The following IKZF2 variants were observed in gnomAD, a reference collection of about 807,000 sequenced individuals.
IKZF2 encodes the protein zinc finger protein Helios.
In IKZF2, 15 loss-of-function variants were observed where a neutral mutation model predicts 49.2. The ratio of observed to expected loss-of-function variants is 0.30; its 90% CI spans 0.20 to 0.47. IKZF2 has a LOEUF of 0.47. Among genes scored for constraint, IKZF2 ranks in the 20% least tolerant of loss-of-function variants. The pLI, the probability that IKZF2 is intolerant of heterozygous loss-of-function variation, is 1.00. For missense variants in IKZF2, 567 were observed against 664.6 expected (o/e 0.85, Z 1.61); for synonymous variants, 227 against 221.4 (o/e 1.03, Z -0.23).
chr2:213,143,257 C>T (rs1326777038), intron 4 of IKZF2, among the ~76,000 whole-genome samples: 1 of 151,788 alleles, frequency 6.6e-6, no homozygotes, highest in East Asian at 1.9e-4. Flanking sequence ...TAAAAAAGTA[C>T]TTCTAGTGGG....
chr2:213,068,911 A>AC (rs1199027810), intron 4 of IKZF2, among the ~76,000 whole-genome samples: 2 of 86,262 alleles, frequency 2.3e-5, no homozygotes, highest in South Asian at 3.4e-4. Flanking sequence ...AGGAGGGAGA[A>AC]AACACACACA....
chr2:213,104,123 C>A (rs978203246), intron 4 of IKZF2, among the ~76,000 whole-genome samples: 1 of 152,038 alleles, frequency 6.6e-6, no homozygotes, highest in Non-Finnish European at 1.5e-5. Flanking sequence ...TGCAAACTTG[C>A]AAAACACATT....
chr2:213,025,459 G>C (rs186353980), intron 6 of IKZF2, among the ~76,000 whole-genome samples: 9 of 152,060 alleles, frequency 5.9e-5, no homozygotes, highest in East Asian at 1.9e-4. Flanking sequence ...AACTCTGTTC[G>C]TACTCTGTTG....
At chr2:213,101,588 C>T (rs1008553776) in intron 4 of IKZF2, among the ~76,000 whole-genome samples, 15 of 151,946 alleles carry the variant, frequency 9.9e-5, no homozygotes, top group Admixed American at 7.9e-4. Flanking sequence ...GAAATCCTTA[C>T]CTAGGCTCCA....
intron 4 of IKZF2, among the ~76,000 whole-genome samples, chr2:213,144,331 T>C (rs1365105824): frequency 6.6e-6 from 1 of 151,852 alleles, no homozygotes; most frequent in Non-Finnish European, 1.5e-5. Context: ...TTTAAGTAAC[T>C]ACCTGCAAAG....
chr2:213,069,151 T>C (rs1238034742), intron 4 of IKZF2, among the ~76,000 whole-genome samples: 1 of 152,052 alleles, frequency 6.6e-6, no homozygotes, highest in African/African-American at 2.4e-5. Flanking sequence ...AGAGGCAAAT[T>C]GCAGGTTTCC....
chr2:213,150,141 T>C lies in IKZF2; in HGVS notation c.-16+3A>G. The C allele has an allele frequency of 2.3e-6, 3 of 1,293,878 alleles. No individual in the cohort carries two copies. Among genetic ancestry groups the C allele is most frequent in the Non-Finnish European group, 3.1e-6 (3 of 979,482 alleles). 80.1% of individuals were successfully genotyped at this position (1,293,878 alleles called of 1,614,324 possible). On this transcript the variant is annotated splice_donor_region_variant and intron_variant, in intron 2 of 8. Coordinates refer to ENST00000434687, the MANE Select transcript of IKZF2 (RefSeq NM_001387220.1). ...AGGAGAAAGAGAAACGAAATGTACA[T>C]ACAAAAGAAATTGTCCTTTGATTAA...
In IKZF2 at chr2:213,004,700, A is replaced by G. The variant is rs1178650598; in HGVS notation, c.*2660T>C. On this transcript the variant is annotated 3_prime_UTR_variant, in exon 9 of 9. Transcript: ENST00000434687. ...CATCCAGAGTTTCTCCAAAAACACT[A>G]CGTCCACAAAAATTCTTTCTGACCC... is the stretch of plus-strand genomic sequence containing the variant. 2.0e-5 allele frequency: 3 copies of G among 152,030 alleles called. No homozygotes were observed. The highest frequency in any genetic ancestry group is 4.8e-5 in the African/African-American group (2 of 41,436). 9.4% of individuals were successfully genotyped at this position (152,030 alleles called of 1,614,324 possible).
chr2:213,011,573 G>A (rs985023577), intron 8 of IKZF2, among the ~76,000 whole-genome samples: 1 of 151,968 alleles, frequency 6.6e-6, no homozygotes, highest in African/African-American at 2.4e-5. Flanking sequence ...CAGTTCCAGC[G>A]ATTTTATCCC....
intron 4 of IKZF2, among the ~76,000 whole-genome samples, chr2:213,075,786 T>C (rs1703189638): frequency 6.6e-6 from 1 of 152,176 alleles, no homozygotes; most frequent in Non-Finnish European, 1.5e-5. Context: ...TAAAATATTT[T>C]CATGTGACCT....
At chr2:213,009,502 C>T (rs993066362) in intron 8 of IKZF2, among the ~76,000 whole-genome samples, 5 of 152,028 alleles carry the variant, frequency 3.3e-5, no homozygotes, top group Admixed American at 1.3e-4. Context: ...TTGGCAGATA[C>T]TCTCAGATTG....
At chr2:213,017,396 T>C (rs1330998007) in intron 7 of IKZF2, among the ~76,000 whole-genome samples, 1 of 152,218 alleles carries the variant, frequency 6.6e-6, no homozygotes, top group Non-Finnish European at 1.5e-5. Context: ...AAGAATATAG[T>C]AAAAGAAGTA....
intron 8 of IKZF2, among the ~76,000 whole-genome samples, chr2:213,008,833 G>A (rs1483810120): frequency 6.6e-6 from 1 of 152,028 alleles, no homozygotes; most frequent in African/African-American, 2.4e-5. Context: ...CCTCACTGTT[G>A]TGTAGGGTTA....
chr2:213,132,449 T>C (rs1047333431), intron 4 of IKZF2, among the ~76,000 whole-genome samples: 4 of 152,110 alleles, frequency 2.6e-5, no homozygotes, highest in Non-Finnish European at 5.9e-5. Context: ...TAATGTGAAA[T>C]CCTTTTAAAC....
chr2:213,105,403 C>T (rs1161942251), intron 4 of IKZF2, among the ~76,000 whole-genome samples: 1 of 151,938 alleles, frequency 6.6e-6, no homozygotes, highest in Non-Finnish European at 1.5e-5. Context: ...GGAGGAATAC[C>T]ATTAGAGCAA....
In IKZF2 at chr2:213,150,140, A is replaced by G. The variant is rs1264639703; in HGVS notation, c.-16+4T>C. On this transcript the variant is annotated splice_donor_region_variant and intron_variant, in intron 2 of 8. Coordinates refer to ENST00000434687, the MANE Select transcript of IKZF2 (RefSeq NM_001387220.1). ...AAGGAGAAAGAGAAACGAAATGTAC[A>G]TACAAAAGAAATTGTCCTTTGATTA... The G allele has an allele frequency of 1.5e-6, 2 of 1,295,984 alleles. No individual in the cohort carries two copies. Among genetic ancestry groups the G allele is most frequent in the Admixed American group, 4.6e-5 (2 of 43,532 alleles). The allele number at this position is 1,295,984 out of a possible 1,614,324, so 80.3% of individuals were successfully genotyped here. A position where few individuals can be genotyped will look rare whatever the true frequency, so the allele number is the denominator to read the frequency against.
At chr2:213,018,675 CTG>C (rs1291002862) in intron 7 of IKZF2, among the ~76,000 whole-genome samples, 2 of 152,152 alleles carry the variant, frequency 1.3e-5, no homozygotes, top group Non-Finnish European at 2.9e-5. Flanking sequence ...AGAGAAGACT[CTG>C]TCTTTGCATC....
chr2:213,127,691 A>G (rs1220026245), intron 4 of IKZF2, among the ~76,000 whole-genome samples: 1 of 152,194 alleles, frequency 6.6e-6, no homozygotes, highest in Non-Finnish European at 1.5e-5. Context: ...TCCAACCCAA[A>G]TAAAAGTAAT....
At chr2:213,039,933 G>A (rs1369544648) in intron 6 of IKZF2, among the ~76,000 whole-genome samples, 1 of 151,930 alleles carries the variant, frequency 6.6e-6, no homozygotes, top group East Asian at 1.9e-4. Flanking sequence ...CTTAGTTTTA[G>A]AACAAGTATC....
Sources: gnomAD v4.1 joint callset for allele counts (sites outside exome capture counted in the v4.1 genomes callset) on GRCh38, gnomAD v4.1.1 for gene constraint, MANE v1.5 for transcripts, NCBI Gene and HGNC (gene_info 2026-07-23, HGNC 2026-07-21) for gene names.